DPP6: variants seen among roughly 807,000 people sequenced by gnomAD.
DPP6 encodes the protein A-type potassium channel modulatory protein DPP6.
In DPP6, 69 loss-of-function variants were observed where a neutral mutation model predicts 122.6. The observed-to-expected ratio is 0.56, with a 90% CI of 0.46 to 0.69. The LOEUF (loss-of-function observed/expected upper bound fraction) is 0.69, where lower values mean the gene tolerates loss of function less well. Ranked by LOEUF, DPP6 falls within the 30% of genes least tolerant of loss-of-function variation. DPP6 has a pLI of 0.00. For missense variants in DPP6, 928 were observed against 1,116.9 expected, an observed-to-expected ratio of 0.83 and a Z score of 2.41; for synonymous variants, 418 against 433.1, an observed-to-expected ratio of 0.97 and a Z score of 0.43.
At chr7:154,418,659 C>G (rs1354776707) in intron 1 of DPP6, among the ~76,000 whole-genome samples, 1 of 152,198 alleles carries the variant, frequency 6.6e-6, no homozygotes, top group Admixed American at 6.5e-5. Flanking sequence ...TCCCTGCTCC[C>G]TACTTTACAA....
intron 1 of DPP6, among the ~76,000 whole-genome samples, chr7:154,246,149 T>C (rs1459882195): frequency 1.3e-5 from 2 of 152,094 alleles, no homozygotes; most frequent in Non-Finnish European, 2.9e-5. Flanking sequence ...TCCTAACTCA[T>C]GGGTCAAAGA....
Position 154,608,337 on chromosome 7 carries a change from A to AT in DPP6, c.628-29483dup, listed in dbSNP as rs200499321. 1.6e-3 allele frequency among the ~76,000 whole-genome samples: 194 copies of AT among 120,460 alleles called. 4 individuals are homozygous for AT. Among genetic ancestry groups the AT allele is most frequent in the African/African-American group, 5.5e-3 (187 of 33,860 alleles). The allele number at this position is 120,460 out of a possible 152,430, so 79.0% of individuals were successfully genotyped here. On this transcript the variant is annotated intron_variant, in intron 5 of 25. Coordinates refer to ENST00000377770, the MANE Select transcript of DPP6 (RefSeq NM_130797.4). ...GGAGTGATCATATATATATATATAT[A>AT]TATATTTTGAGATGGAATCTCGCTC...
At chr7:154,412,955 T>C (rs1004788055) in intron 1 of DPP6, among the ~76,000 whole-genome samples, 2 of 152,232 alleles carry the variant, frequency 1.3e-5, no homozygotes, top group Non-Finnish European at 2.9e-5. Context: ...CTTAGGGAAA[T>C]ACCTTGTGTT....
chr7:153,955,978 T>A (rs1028039321), intron 1 of DPP6, among the ~76,000 whole-genome samples: 1 of 152,190 alleles, frequency 6.6e-6, no homozygotes, highest in Non-Finnish European at 1.5e-5. Context: ...CCCACCAGGA[T>A]TCCTTTGGAT....
chr7:153,970,802 T>C (rs1448559202), intron 1 of DPP6, among the ~76,000 whole-genome samples: 1 of 152,194 alleles, frequency 6.6e-6, no homozygotes, highest in Non-Finnish European at 1.5e-5. Context: ...AATTTGCTAC[T>C]GATGGATGGG....
intron 7 of DPP6, 44 bp from the exon 8 acceptor site, chr7:154,727,723 C>A (rs367546464): frequency 4.5e-5 from 69 of 1,549,876 alleles, no homozygotes; most frequent in Middle Eastern, 1.8e-4. Context: ...TATTTATAAC[C>A]ACTTCCTTGC....
the DPP6 span, among the ~76,000 whole-genome samples, chr7:153,868,733 A>T: frequency 1.3e-5 from 2 of 151,922 alleles, no homozygotes; most frequent in Admixed American, 6.6e-5. Flanking sequence ...AGTTCTTTTA[A>T]TTGTGATGTT....
At chr7:154,314,894 C>T (rs1807298143) in intron 1 of DPP6, among the ~76,000 whole-genome samples, 1 of 152,176 alleles carries the variant, frequency 6.6e-6, no homozygotes, top group Non-Finnish European at 1.5e-5. Context: ...AAATTCTCGC[C>T]TGGAGGTCAG....
At chr7:154,367,421 C>T (rs991655500) in intron 1 of DPP6, among the ~76,000 whole-genome samples, 5 of 152,176 alleles carry the variant, frequency 3.3e-5, no homozygotes, top group Admixed American at 1.3e-4. Context: ...CTGGCTTTTG[C>T]AAGTGACTCT....
At chr7:154,551,827 T>A (rs1017831086) in intron 4 of DPP6, among the ~76,000 whole-genome samples, 1 of 151,980 alleles carries the variant, frequency 6.6e-6, no homozygotes, top group Admixed American at 6.6e-5. Flanking sequence ...TGAGGAGCAG[T>A]TGGAGGTGAA....
At chr7:154,859,135 C>T (rs1803092627) in intron 17 of DPP6, among the ~76,000 whole-genome samples, 1 of 152,242 alleles carries the variant, frequency 6.6e-6, no homozygotes, top group African/African-American at 2.4e-5. Flanking sequence ...ACAGCAGCAG[C>T]CTCTGTGACC....
chr7:154,344,066 C>T (rs1246622292), intron 1 of DPP6, among the ~76,000 whole-genome samples: 1 of 152,068 alleles, frequency 6.6e-6, no homozygotes, highest in Non-Finnish European at 1.5e-5. Flanking sequence ...CATGACATGG[C>T]AGAAGAAGAG....
chr7:154,348,782 C>A (rs1012687914), intron 1 of DPP6, among the ~76,000 whole-genome samples: 2 of 152,176 alleles, frequency 1.3e-5, no homozygotes, highest in Non-Finnish European at 2.9e-5. Flanking sequence ...ATTAAAATCA[C>A]AGTTTCAGGA....
Position 154,371,401 on chromosome 7 carries a change from A to AAAAG in DPP6, c.244-74795_244-74792dup, listed in dbSNP as rs55798623. 1.4e-3 allele frequency among the ~76,000 whole-genome samples: 167 copies of AAAAG among 120,608 alleles called. 1 individual carries two copies. Among genetic ancestry groups the AAAAG allele is most frequent in the South Asian group, 5.5e-3 (22 of 4,034 alleles). The allele number at this position is 120,608 out of a possible 152,430, so 79.1% of individuals were successfully genotyped here. Reference sequence around the variant, plus strand: ...CTCAAAAAAAAAAAAAAAAAAAAAAAAAAGAAAGAAAGAAAGAAAGACAGA... The same window carrying AAAAG: ...CTCAAAAAAAAAAAAAAAAAAAAAAAAAAGAAAGAAAGAAAGAAAGAAAGACAGA... On this transcript the variant is annotated intron_variant, in intron 1 of 25. Transcript: ENST00000377770.
At chr7:154,185,848 G>T (rs1217427715) in intron 1 of DPP6, among the ~76,000 whole-genome samples, 1 of 152,172 alleles carries the variant, frequency 6.6e-6, no homozygotes, top group East Asian at 1.9e-4. Flanking sequence ...TACTTCTTAA[G>T]CAAGGTTCTG....
chr7:153,848,068 T>C, the DPP6 span, among the ~76,000 whole-genome samples: 27 of 152,106 alleles, frequency 1.8e-4, no homozygotes, highest in South Asian at 2.9e-3. Context: ...CAGACACAGG[T>C]TTTTTGCCTG....
At chr7:154,757,998 C>A (rs917985089) in intron 8 of DPP6, among the ~76,000 whole-genome samples, 1 of 152,218 alleles carries the variant, frequency 6.6e-6, no homozygotes, top group Non-Finnish European at 1.5e-5. Context: ...CGCCCTCTCC[C>A]GCCACGCACG....
rs189880483 is a variant in DPP6 at position 154,799,767 on chromosome 7, T to A, written c.1300-1588T>A. 4.7e-3 allele frequency among the ~76,000 whole-genome samples: 709 copies of A among 152,318 alleles called. 4 individuals are homozygous for A. The highest frequency in any genetic ancestry group is 0.016 in the African/African-American group (676 of 41,552). On this transcript the variant is annotated intron_variant, in intron 12 of 25. Transcript: ENST00000377770. The stretch of plus-strand genomic sequence containing the variant: ...GATAAATTCTGTTATCCAGAGAGAC[T>A]AGAAACGCTTCCCCCAAAATCAAAT...
intron 22 of DPP6, among the ~76,000 whole-genome samples, 154 bp downstream of exon 22, chr7:154,885,898 C>G (rs759357604): frequency 3.3e-5 from 5 of 152,142 alleles, no homozygotes; most frequent in Admixed American, 6.5e-5. Context: ...ATGGAAGAAC[C>G]CGGGGAAGGA....
Sources: allele counts gnomAD v4.1 joint callset (sites outside exome capture counted in the v4.1 genomes callset), GRCh38; gene constraint gnomAD v4.1.1; transcripts MANE v1.5; gene names NCBI Gene and HGNC (gene_info 2026-07-23, HGNC 2026-07-21).